Variants in FMN1 observed in about 807,000 individuals in gnomAD.
FMN1 encodes formin-1.
FMN1 carries 110 observed loss-of-function variants against 132.4 expected under a neutral mutation model. The observed-to-expected ratio is 0.83, with a 90% CI of 0.71 to 0.97. FMN1 has a LOEUF of 0.97. FMN1 is among the 50% of genes least tolerant of loss of function. FMN1 has a pLI of 0.00. For missense variants in FMN1, 1,792 were observed against 1,705.3 expected (o/e 1.05, Z -0.90); for synonymous variants, 722 against 651.7 (o/e 1.11, Z -1.64).
intron 15 of FMN1, among the ~76,000 whole-genome samples, chr15:32,897,699 T>C (rs529258850): frequency 6.6e-6 from 1 of 152,188 alleles, no homozygotes; most frequent in Admixed American, 6.5e-5. Context: ...AGCAATAGGA[T>C]CAGAGCTGTG....
At chr15:32,977,762 T>C (rs58879614) in intron 7 of FMN1, among the ~76,000 whole-genome samples, 3 of 152,164 alleles carry the variant, frequency 2.0e-5, no homozygotes, top group Middle Eastern at 3.2e-3. Context: ...TATAAACAGA[T>C]AGTCCCAAGC....
chr15:33,097,097 C>T (rs1427684341), intron 4 of FMN1, among the ~76,000 whole-genome samples: 2 of 152,002 alleles, frequency 1.3e-5, no homozygotes, highest in Non-Finnish European at 2.9e-5. Flanking sequence ...AGTTCAAGAC[C>T]AGCCTTGGTG....
At chr15:32,783,624 T>A (rs1281391233) in intron 19 of FMN1, among the ~76,000 whole-genome samples, 1 of 151,566 alleles carries the variant, frequency 6.6e-6, no homozygotes, top group Non-Finnish European at 1.5e-5. Context: ...GCGCCTGTAG[T>A]CCCAGCTACT....
At position 33,172,884 on chromosome 15, in the gene FMN1, G is replaced by T. The variant is rs140793565; in HGVS notation, c.-132+7314C>A. Among the ~76,000 whole-genome samples the T allele has an allele frequency of 4.0e-3, 611 of 152,294 alleles. 3 individuals are homozygous for T. Among genetic ancestry groups the T allele is most frequent in the African/African-American group, 0.014 (576 of 41,574 alleles). On this transcript the variant is annotated intron_variant, in intron 3 of 20. Transcript: ENST00000616417. ...ATTTCAGTAATGTTGCAGAAAATAT[G>T]AAGGATAATGAATCAAAGAATGTGA...
At chr15:33,085,961 AGAG>A (rs1173355893) in intron 5 of FMN1, among the ~76,000 whole-genome samples, 2 of 152,174 alleles carry the variant, frequency 1.3e-5, no homozygotes, top group African/African-American at 4.8e-5. Flanking sequence ...TTTGAAAGAG[AGAG>A]GAGGAGACCA....
At chr15:33,127,367 T>TC (rs1566940294) in intron 4 of FMN1, among the ~76,000 whole-genome samples, 1 of 152,070 alleles carries the variant, frequency 6.6e-6, no homozygotes, top group Non-Finnish European at 1.5e-5. Flanking sequence ...TTGACTCTGT[T>TC]CATACACAGA....
At chr15:32,848,560 A>C (rs2058917936) in intron 17 of FMN1, among the ~76,000 whole-genome samples, 1 of 152,184 alleles carries the variant, frequency 6.6e-6, no homozygotes, top group South Asian at 2.1e-4. Context: ...CCAGTTCAGC[A>C]CCCAATGAAA....
At chr15:32,836,324 C>T (rs1315114126) in intron 17 of FMN1, among the ~76,000 whole-genome samples, 1 of 152,190 alleles carries the variant, frequency 6.6e-6, no homozygotes, top group African/African-American at 2.4e-5. Flanking sequence ...AAGCCAACTG[C>T]ATGGCGGTTT....
At chr15:33,135,091 T>C (rs1178932863) in intron 4 of FMN1, among the ~76,000 whole-genome samples, 1 of 152,206 alleles carries the variant, frequency 6.6e-6, no homozygotes, top group Non-Finnish European at 1.5e-5. Flanking sequence ...ATATTTTGCT[T>C]TTTGAGTTTC....
chr15:32,947,699 A>G (rs1188637270), intron 9 of FMN1, among the ~76,000 whole-genome samples: 3 of 152,178 alleles, frequency 2.0e-5, no homozygotes, highest in Admixed American at 2.0e-4. Flanking sequence ...ATAAAGTTGA[A>G]TAATTTTCTA....
chr15:32,808,460 T>G (rs779482055), intron 17 of FMN1, among the ~76,000 whole-genome samples: 26 of 152,208 alleles, frequency 1.7e-4, no homozygotes, highest in Non-Finnish European at 3.1e-4. Flanking sequence ...GGGTTCAAGC[T>G]TCCAGTGGGT....
At chr15:32,912,341 A>G (rs1387191060) in intron 10 of FMN1, among the ~76,000 whole-genome samples, 2 of 152,210 alleles carry the variant, frequency 1.3e-5, no homozygotes, top group East Asian at 3.8e-4. Flanking sequence ...GTTGGGACTG[A>G]GAACAACCAT....
At chr15:32,925,287 G>A (rs1038427363) in intron 10 of FMN1, among the ~76,000 whole-genome samples, 1 of 152,078 alleles carries the variant, frequency 6.6e-6, no homozygotes, top group African/African-American at 2.4e-5. Flanking sequence ...AATAAATCCA[G>A]GCAAAGATAA....
intron 17 of FMN1, among the ~76,000 whole-genome samples, chr15:32,850,365 T>C (rs1308124616): frequency 6.6e-6 from 1 of 151,734 alleles, no homozygotes; most frequent in African/African-American, 2.4e-5. Flanking sequence ...CCTTTGTCAA[T>C]CTAATCTGAC....
At chr15:32,840,873 T>C (rs950564668) in intron 17 of FMN1, among the ~76,000 whole-genome samples, 1 of 152,308 alleles carries the variant, frequency 6.6e-6, no homozygotes. Flanking sequence ...GGGAGAATCG[T>C]TGTTTAAAGA....
chr15:32,961,867 G>A (rs933189766), intron 9 of FMN1, among the ~76,000 whole-genome samples: 6 of 152,106 alleles, frequency 3.9e-5, no homozygotes, highest in Non-Finnish European at 8.8e-5. Context: ...GGTTGTCTCT[G>A]ACTGCCTGAC....
At chr15:33,138,431 TCTC>T (rs1963865995) in intron 4 of FMN1, among the ~76,000 whole-genome samples, 3 of 152,044 alleles carry the variant, frequency 2.0e-5, no homozygotes, top group Non-Finnish European at 1.5e-5. Flanking sequence ...ATTCCCATCA[TCTC>T]CTCCTCTGAC....
At chr15:33,136,954 G>T (rs1257019300) in intron 4 of FMN1, among the ~76,000 whole-genome samples, 3 of 151,942 alleles carry the variant, frequency 2.0e-5, no homozygotes, top group Non-Finnish European at 4.4e-5. Flanking sequence ...CAGGCGTGGT[G>T]GCGGGAGCCT....
chr15:32,982,516 T>C (rs992156121), intron 7 of FMN1, among the ~76,000 whole-genome samples: 17 of 152,206 alleles, frequency 1.1e-4, no homozygotes, highest in Admixed American at 7.9e-4. Context: ...TAACTTTATG[T>C]ATCAACTTGA....
Sources: gnomAD v4.1 joint callset for allele counts (sites outside exome capture counted in the v4.1 genomes callset) on GRCh38, gnomAD v4.1.1 for gene constraint, MANE v1.5 for transcripts, NCBI Gene and HGNC (gene_info 2026-07-23, HGNC 2026-07-21) for gene names.